OSBPL6: variants seen among roughly 807,000 people sequenced by gnomAD.
OSBPL6 encodes oxysterol binding protein like 6.
OSBPL6 carries 49 observed loss-of-function variants against 125.8 expected under a neutral mutation model. The ratio of observed to expected loss-of-function variants is 0.39; its 90% confidence interval spans 0.31 to 0.49. OSBPL6 has a LOEUF of 0.49. Ranked by LOEUF, OSBPL6 falls within the 20% of genes least tolerant of loss-of-function variation. The pLI is 0.88. For synonymous variants in OSBPL6, 394 were observed against 391.8 expected (o/e 1.01, Z -0.07); for missense variants, 986 against 1,135.4 (o/e 0.87, Z 1.89).
At chr2:178,352,806 A>G (rs1399494751) in intron 12 of OSBPL6, among the ~76,000 whole-genome samples, 2 of 152,192 alleles carry the variant, frequency 1.3e-5, no homozygotes, top group Non-Finnish European at 2.9e-5. Context: ...CCTGACCCCC[A>G]TGTAGCCTAA....
intron 3 of OSBPL6, among the ~76,000 whole-genome samples, chr2:178,310,395 A>G (rs1687154344): frequency 6.7e-6 from 1 of 148,274 alleles, no homozygotes; most frequent in Non-Finnish European, 1.5e-5. Flanking sequence ...TAAGTTTAAC[A>G]TGCCCAAAAC....
At chr2:178,304,012 A>G (rs558905022) in intron 2 of OSBPL6, among the ~76,000 whole-genome samples, 4 of 152,306 alleles carry the variant, frequency 2.6e-5, no homozygotes, top group Middle Eastern at 3.4e-3. Flanking sequence ...TTGTGCTTCT[A>G]TAACAGAATA....
intron 3 of OSBPL6, among the ~76,000 whole-genome samples, chr2:178,316,355 T>TA (rs565559343): frequency 1.2e-3 from 185 of 152,274 alleles, no homozygotes; most frequent in Non-Finnish European, 1.6e-3. Flanking sequence ...AGATTTCAGT[T>TA]AAAAAAATGT....
At chr2:178,289,424 C>T (rs1685033802) in intron 2 of OSBPL6, among the ~76,000 whole-genome samples, 1 of 152,202 alleles carries the variant, frequency 6.6e-6, no homozygotes, top group African/African-American at 2.4e-5. Context: ...CACTCAGATT[C>T]ATCTATCTCC....
intron 1 of OSBPL6, among the ~76,000 whole-genome samples, chr2:178,270,690 T>C (rs1038254369): frequency 2.0e-5 from 3 of 152,250 alleles, no homozygotes; most frequent in African/African-American, 4.8e-5. Context: ...TTTGGGGATG[T>C]AATTTCTCCC....
At chr2:178,235,378 T>G (rs1364590150) in intron 1 of OSBPL6, among the ~76,000 whole-genome samples, 1 of 147,474 alleles carries the variant, frequency 6.8e-6, no homozygotes, top group Non-Finnish European at 1.5e-5. Context: ...TTTTTCTTTC[T>G]TTCCTTTTTC....
chr2:178,385,492 G>A lies in OSBPL6; in HGVS notation c.2048G>A (p.Cys683Tyr). 6.2e-7 allele frequency: 1 copy of A among 1,611,346 alleles called. No individual in the cohort carries two copies. Among genetic ancestry groups the A allele is most frequent in the South Asian group, 1.1e-5 (1 of 90,966 alleles). ...SHHPPISACH[C>Y]ESKNFVFWQD... ...CATCCACCCATTTCTGCCTGTCACT[G>A]TGAATCAAAGAATTTTGTGTTTTGG... Residue 683 changes from cysteine (C) to tyrosine (Y), a missense_variant, in exon 19 of 25, where the codon TGT becomes TAT. By Grantham distance (194) the Cys-to-Tyr change is radical (BLOSUM62 -2). Around this residue, in one of 3 missense-constraint regions of OSBPL6, gnomAD observed 843 missense variants for 997.3 expected, o/e 0.85. Transcript: ENST00000190611.
At chr2:178,352,807 TG>T (rs1691407276) in intron 12 of OSBPL6, among the ~76,000 whole-genome samples, 1 of 152,212 alleles carries the variant, frequency 6.6e-6, no homozygotes, top group African/African-American at 2.4e-5. Flanking sequence ...CTGACCCCCA[TG>T]TAGCCTAACT....
chr2:178,331,722 C>T, intron 6 of OSBPL6, 117 bp downstream of exon 6: 1 of 1,080,382 alleles, frequency 9.3e-7, no homozygotes, highest in Middle Eastern at 2.0e-4. Context: ...ATGTCTGGGC[C>T]TGTAAGATTT....
chr2:178,254,979 C>G (rs2154007065), intron 1 of OSBPL6, among the ~76,000 whole-genome samples: 1 of 152,270 alleles, frequency 6.6e-6, no homozygotes, highest in Middle Eastern at 3.4e-3. Flanking sequence ...GATTGAGCAG[C>G]AAAGTCACGT....
intron 1 of OSBPL6, among the ~76,000 whole-genome samples, chr2:178,216,790 C>G (rs334026): frequency 0.028 from 4,306 of 152,222 alleles, 182 homozygotes; most frequent in African/African-American, 0.098. Flanking sequence ...GCCTGAGTCT[C>G]GTCATGAGGA....
chr2:178,371,420 T>G (rs2154105118), intron 13 of OSBPL6, among the ~76,000 whole-genome samples: 1 of 152,302 alleles, frequency 6.6e-6, no homozygotes, highest in South Asian at 2.1e-4. Flanking sequence ...CAAGTAGTGT[T>G]TTACTGATGC....
chr2:178,319,795 A>G (rs1278775246), intron 3 of OSBPL6, among the ~76,000 whole-genome samples: 3 of 152,268 alleles, frequency 2.0e-5, no homozygotes, highest in Non-Finnish European at 4.4e-5. Context: ...TACATGCGAG[A>G]TAGCTGAAAG....
chr2:178,333,614 A>G (rs1293001710), intron 8 of OSBPL6, among the ~76,000 whole-genome samples: 2 of 152,206 alleles, frequency 1.3e-5, no homozygotes, highest in Admixed American at 1.3e-4. Flanking sequence ...TTTTAACTTT[A>G]TGTGGCTTTG....
intron 3 of OSBPL6, among the ~76,000 whole-genome samples, chr2:178,316,291 C>T (rs1687730877): frequency 6.6e-6 from 1 of 152,086 alleles, no homozygotes; most frequent in Non-Finnish European, 1.5e-5. Flanking sequence ...CCATGGGACC[C>T]AGTAACTCAG....
At chr2:178,385,164 C>T (rs1694831104) in intron 18 of OSBPL6, among the ~76,000 whole-genome samples, 1 of 151,952 alleles carries the variant, frequency 6.6e-6, no homozygotes, top group Non-Finnish European at 1.5e-5. Flanking sequence ...CAGCAAACCA[C>T]CATGGCACGT....
intron 15 of OSBPL6, 77 bp from the exon 16 acceptor site, chr2:178,382,343 A>G (rs895805514): frequency 2.7e-6 from 4 of 1,489,704 alleles, no homozygotes; most frequent in Admixed American, 2.3e-5. Context: ...ATATTTTGTT[A>G]TTTTTAATCA....
chr2:178,388,602 A>G (rs1695142995), intron 20 of OSBPL6, among the ~76,000 whole-genome samples: 1 of 152,212 alleles, frequency 6.6e-6, no homozygotes, highest in Non-Finnish European at 1.5e-5. Flanking sequence ...ATCTGTGCTT[A>G]CACGAAACCC....
rs1401797468 is a variant in OSBPL6 at position 178,263,159 on chromosome 2, T to C, written c.-350-21768T>C. ...TTTCTCCAGGAACAGGGTGTTAGTA[T>C]GATCTTGGATAAAAGCACATATAGA... On this transcript the variant is annotated intron_variant, in intron 1 of 24. Transcript: ENST00000190611. 3.3e-5 allele frequency among the ~76,000 whole-genome samples: 5 copies of C among 152,312 alleles called. No homozygotes were observed. In the East Asian group the frequency reaches 9.6e-4, roughly 29 times the overall value.
Sources: gnomAD v4.1 joint callset for allele counts (sites outside exome capture counted in the v4.1 genomes callset) on GRCh38, gnomAD v4.1.1 for gene constraint, gnomAD v4.1.1 regional missense constraint, MANE v1.5 for transcripts, NCBI Gene and HGNC (gene_info 2026-07-23, HGNC 2026-07-21) for gene names.